EXOC4: variants seen among roughly 807,000 people sequenced by gnomAD.
EXOC4 encodes the protein SEC8-like 1.
A neutral mutation model predicts 107.2 loss-of-function variants in EXOC4; 71 were observed. The ratio of observed to expected loss-of-function variants is 0.66; its 90% CI spans 0.55 to 0.81. EXOC4 has a LOEUF of 0.81. EXOC4 is among the 30% of genes least tolerant of loss of function. The pLI, the probability that EXOC4 is intolerant of heterozygous loss-of-function variation, is 0.00. For synonymous variants in EXOC4, 456 were observed against 441.2 expected (o/e 1.03, Z -0.42); for missense variants, 1,108 against 1,189.6 (o/e 0.93, Z 1.01).
intron 14 of EXOC4, among the ~76,000 whole-genome samples, chr7:133,966,936 G>C (rs943454154): frequency 6.6e-6 from 1 of 152,182 alleles, no homozygotes; most frequent in Non-Finnish European, 1.5e-5. Context: ...GTGGAATTCA[G>C]CTGTGAATTC....
intron 10 of EXOC4, among the ~76,000 whole-genome samples, chr7:133,702,996 C>T (rs187000842): frequency 3.3e-4 from 50 of 152,286 alleles, no homozygotes; most frequent in Non-Finnish European, 6.2e-4. Flanking sequence ...TAACTGAAGC[C>T]TCATTATCAA....
intron 10 of EXOC4, among the ~76,000 whole-genome samples, chr7:133,723,208 AAG>A (rs1257728319): frequency 5.9e-5 from 9 of 152,194 alleles, no homozygotes; most frequent in African/African-American, 2.2e-4. Context: ...AGGGGTAGAA[AAG>A]AGGGGAGAAG....
intron 9 of EXOC4, among the ~76,000 whole-genome samples, chr7:133,503,404 G>T (rs1245706848): frequency 6.6e-6 from 1 of 152,156 alleles, no homozygotes. Context: ...TCTGGTTTAG[G>T]AACATGATCC....
At chr7:134,032,833 C>T (rs535379233) in intron 17 of EXOC4, among the ~76,000 whole-genome samples, 3 of 152,342 alleles carry the variant, frequency 2.0e-5, no homozygotes, top group East Asian at 3.9e-4. Context: ...AAGCAATATT[C>T]TGCCCCTTCC....
intron 12 of EXOC4, among the ~76,000 whole-genome samples, chr7:133,905,328 G>A (rs1799541887): frequency 1.3e-5 from 2 of 152,162 alleles, no homozygotes; most frequent in South Asian, 4.1e-4. Context: ...CAGGTTACAT[G>A]CTTTGGATAA....
At chr7:133,556,221 C>T (rs1029802670) in intron 9 of EXOC4, among the ~76,000 whole-genome samples, 3 of 152,168 alleles carry the variant, frequency 2.0e-5, no homozygotes, top group African/African-American at 7.2e-5. Flanking sequence ...TATCTGTGGC[C>T]AGCAGTCGCC....
chr7:133,519,578 A>G (rs1223378478), intron 9 of EXOC4, among the ~76,000 whole-genome samples: 1 of 152,212 alleles, frequency 6.6e-6, no homozygotes, highest in Non-Finnish European at 1.5e-5. Flanking sequence ...TGCCTTTCAA[A>G]CCATGAGATA....
intron 9 of EXOC4, among the ~76,000 whole-genome samples, chr7:133,543,146 T>C (rs918361162): frequency 2.6e-5 from 4 of 152,110 alleles, no homozygotes; most frequent in South Asian, 2.1e-4. Context: ...CCCTTTGGTA[T>C]TGATTTTAAA....
chr7:133,404,370 T>A (rs1047833883), intron 7 of EXOC4, among the ~76,000 whole-genome samples: 35 of 152,302 alleles, frequency 2.3e-4, no homozygotes, highest in African/African-American at 8.2e-4. Flanking sequence ...CCCAAAGTGC[T>A]GGGATTACAG....
chr7:133,709,597 TG>T (rs1794840186), intron 10 of EXOC4, among the ~76,000 whole-genome samples: 1 of 152,000 alleles, frequency 6.6e-6, no homozygotes, highest in African/African-American at 2.4e-5. Flanking sequence ...AGTTTAGCAT[TG>T]TTTTAAAACA....
intron 10 of EXOC4, among the ~76,000 whole-genome samples, chr7:133,813,383 C>T (rs1797283704): frequency 6.6e-6 from 1 of 152,072 alleles, no homozygotes; most frequent in Non-Finnish European, 1.5e-5. Context: ...AAACTCTTTT[C>T]CAAAGTCCCT....
intron 9 of EXOC4, among the ~76,000 whole-genome samples, chr7:133,526,080 G>A (rs1380936498): frequency 6.6e-6 from 1 of 152,140 alleles, no homozygotes; most frequent in Non-Finnish European, 1.5e-5. Context: ...GTGCTGCTGA[G>A]GCTCCAGTAT....
rs554905979 is a variant in EXOC4, at chr7:133,351,375, T to G, written c.764-4955T>G. Among the ~76,000 whole-genome samples the G allele has an allele frequency of 2.0e-5, 3 of 152,158 alleles. No individual in the cohort carries two copies. The South Asian group carries it at 6.2e-4, about 32-fold the overall frequency. ...ACTACTTATTTAATCTCCTTACTAG[T>G]TATAGATCTATTTGGATTTTCTATT... On this transcript the variant is annotated intron_variant, in intron 5 of 17. Transcript: ENST00000253861.
chr7:133,673,519 A>G (rs1793991888), intron 10 of EXOC4, among the ~76,000 whole-genome samples: 1 of 152,120 alleles, frequency 6.6e-6, no homozygotes, highest in Non-Finnish European at 1.5e-5. Context: ...TGGTCTCACC[A>G]CACACACCCT....
At chr7:133,579,031 G>C (rs1424473523) in intron 9 of EXOC4, among the ~76,000 whole-genome samples, 1 of 152,154 alleles carries the variant, frequency 6.6e-6, no homozygotes, top group Admixed American at 6.5e-5. Context: ...ATTGGTTTTT[G>C]TAATGTAGAT....
rs191629924 is a variant in EXOC4 at position 133,362,345 on chromosome 7, C to T, written c.1007+5772C>T. On this transcript the variant is annotated intron_variant, in intron 6 of 17. Coordinates refer to ENST00000253861, the MANE Select transcript of EXOC4 (RefSeq NM_021807.4). ...CTATACTGTATTGTAAGGGGTTGTA[C>T]ACCCTTTTCTTTTCTGTCATCCATG... 2.6e-4 allele frequency among the ~76,000 whole-genome samples: 39 copies of T among 152,262 alleles called. No individual in the cohort carries two copies. The East Asian group carries it at 7.1e-3, about 28-fold the overall frequency.
At chr7:133,484,329 C>T (rs118126540) in intron 9 of EXOC4, 2 of 549,528 alleles carry the variant, frequency 3.6e-6, no homozygotes, top group East Asian at 7.7e-5. Context: ...GTGTGAGATA[C>T]CAGGTGGAGA....
intron 9 of EXOC4, among the ~76,000 whole-genome samples, chr7:133,610,201 C>T (rs1802045517): frequency 6.6e-6 from 1 of 152,152 alleles, no homozygotes; most frequent in Non-Finnish European, 1.5e-5. Context: ...GGTAATGGTT[C>T]CTGACTTAAT....
chr7:133,882,839 A>ATC (rs1798994112), intron 11 of EXOC4, among the ~76,000 whole-genome samples: 1 of 152,154 alleles, frequency 6.6e-6, no homozygotes, highest in Non-Finnish European at 1.5e-5. Context: ...TAAGGGCCTT[A>ATC]TGAGTTATCT....
Sources: allele counts gnomAD v4.1 joint callset (sites outside exome capture counted in the v4.1 genomes callset), GRCh38; gene constraint gnomAD v4.1.1; transcripts MANE v1.5; gene names NCBI Gene and HGNC (gene_info 2026-07-23, HGNC 2026-07-21).